Variants in ADAMTS6 observed in about 807,000 individuals in gnomAD.
ADAMTS6 encodes the protein ADAM metallopeptidase with thrombospondin type 1 motif 6.
In ADAMTS6, 23 loss-of-function variants were observed where a neutral mutation model predicts 144.3. The ratio of observed to expected loss-of-function variants is 0.16; its 90% CI spans 0.11 to 0.23. ADAMTS6 has a LOEUF of 0.23. Among genes scored for constraint, ADAMTS6 ranks in the 10% least tolerant of loss-of-function variants. The pLI, the probability that ADAMTS6 is intolerant of heterozygous loss-of-function variation, is 1.00. For missense variants in ADAMTS6, 999 were observed against 1,379.6 expected, an observed-to-expected ratio of 0.72 and a Z score of 4.37; for synonymous variants, 444 against 457.5, an observed-to-expected ratio of 0.97 and a Z score of 0.38.
intron 9 of ADAMTS6, among the ~76,000 whole-genome samples, chr5:65,313,365 A>G (rs1043415476): frequency 6.6e-6 from 1 of 152,102 alleles, no homozygotes; most frequent in South Asian, 2.1e-4. Flanking sequence ...TTTAGCTACT[A>G]TGTGAATATG....
At chr5:65,164,381 C>T (rs1360950549) in intron 24 of ADAMTS6, among the ~76,000 whole-genome samples, 16 of 152,094 alleles carry the variant, frequency 1.1e-4, no homozygotes, top group South Asian at 6.2e-4. Context: ...GAGGGTCCTA[C>T]GCCCACGGAG....
intron 24 of ADAMTS6, 61 bp downstream of exon 24, chr5:65,170,556 C>A (rs1008616910): frequency 1.3e-6 from 2 of 1,580,692 alleles, no homozygotes; most frequent in Non-Finnish European, 1.7e-6. Flanking sequence ...CTCTTCAGAC[C>A]CTGGGAACAG....
intron 3 of ADAMTS6, 42 bp from the exon 4 acceptor site, chr5:65,460,380 T>A (rs1447162376): frequency 2.6e-6 from 4 of 1,519,834 alleles, no homozygotes; most frequent in African/African-American, 1.4e-5. Flanking sequence ...AGAGAATCAT[T>A]TTAAATATTA....
At chr5:65,306,879 T>C (rs1743987106) in intron 9 of ADAMTS6, among the ~76,000 whole-genome samples, 1 of 152,230 alleles carries the variant, frequency 6.6e-6, no homozygotes, top group African/African-American at 2.4e-5. Context: ...GTATTTGATT[T>C]TATTAATTTG....
chr5:65,222,598 G>A (rs1386379788), intron 18 of ADAMTS6, among the ~76,000 whole-genome samples: 1 of 151,902 alleles, frequency 6.6e-6, no homozygotes, highest in Non-Finnish European at 1.5e-5. Flanking sequence ...ATAAATAATT[G>A]TTCTTCCCCA....
At chr5:65,155,322 T>G (rs1279063806) in intron 24 of ADAMTS6, among the ~76,000 whole-genome samples, 1 of 152,204 alleles carries the variant, frequency 6.6e-6, no homozygotes, top group Non-Finnish European at 1.5e-5. Context: ...TAGGTGATTT[T>G]GTCAATGTGC....
At chr5:65,245,546 T>TC (rs1489459343) in intron 14 of ADAMTS6, among the ~76,000 whole-genome samples, 1 of 152,146 alleles carries the variant, frequency 6.6e-6, no homozygotes, top group African/African-American at 2.4e-5. Flanking sequence ...TGCATTAAAT[T>TC]CCCTCTATTT....
At chr5:65,476,671 C>T (rs550539007) in intron 1 of ADAMTS6, among the ~76,000 whole-genome samples, 132 of 152,028 alleles carry the variant, frequency 8.7e-4, no homozygotes, top group Admixed American at 2.2e-3. Context: ...TGCAGTGGCA[C>T]GATCTCAGCT....
intron 9 of ADAMTS6, among the ~76,000 whole-genome samples, chr5:65,308,377 A>G (rs1207253166): frequency 6.6e-6 from 1 of 152,192 alleles, no homozygotes; most frequent in Non-Finnish European, 1.5e-5. Context: ...AAATGATGCA[A>G]TTATGTTTGT....
intron 15 of ADAMTS6, among the ~76,000 whole-genome samples, chr5:65,237,798 G>A (rs1758800414): frequency 6.6e-6 from 1 of 152,092 alleles, no homozygotes; most frequent in Admixed American, 6.5e-5. Context: ...ATATAAGCTT[G>A]GTTTGAGGTT....
chr5:65,389,111 C>G (rs1031635829), intron 7 of ADAMTS6, among the ~76,000 whole-genome samples: 11 of 152,098 alleles, frequency 7.2e-5, no homozygotes, highest in Non-Finnish European at 1.3e-4. Context: ...GGCTGAGGCA[C>G]CAGAATGGCG....
chr5:65,294,620 A>G lies in ADAMTS6; in HGVS notation c.1371-3150T>C, dbSNP rs116533832. ...ATGTTCAAGTAACTAAAGCCTATAG[A>G]TGATAATTATTAGTTACTAATTAAT... On this transcript the variant is annotated intron_variant, in intron 10 of 24. Coordinates refer to ENST00000381055, the MANE Select transcript of ADAMTS6 (RefSeq NM_197941.4). Among the ~76,000 whole-genome samples the G allele has an allele frequency of 1.9e-3, 288 of 152,344 alleles. 1 individual carries two copies. Among genetic ancestry groups the G allele is most frequent in the African/African-American group, 6.6e-3 (276 of 41,582 alleles).
At chr5:65,179,466 G>C (rs899228356) in intron 22 of ADAMTS6, among the ~76,000 whole-genome samples, 1 of 152,044 alleles carries the variant, frequency 6.6e-6, no homozygotes, top group Non-Finnish European at 1.5e-5. Flanking sequence ...AAGAAAAAGG[G>C]GTGCCCAAAC....
At chr5:65,359,821 A>G (rs1006914138) in intron 7 of ADAMTS6, among the ~76,000 whole-genome samples, 1 of 152,118 alleles carries the variant, frequency 6.6e-6, no homozygotes. Flanking sequence ...CTCACAGTAG[A>G]GTTGAATAGT....
chr5:65,370,097 TGTATGTTTTCATTTAG>T (rs1178972171), intron 7 of ADAMTS6, among the ~76,000 whole-genome samples: 2 of 152,182 alleles, frequency 1.3e-5, no homozygotes, highest in African/African-American at 4.8e-5. Flanking sequence ...AACCTCAAAA[TGTATGTTTTCATTTAG>T]AAAGAAATAA....
At chr5:65,187,336 G>C (rs1431390877) in intron 22 of ADAMTS6, among the ~76,000 whole-genome samples, 1 of 152,018 alleles carries the variant, frequency 6.6e-6, no homozygotes, top group Non-Finnish European at 1.5e-5. Flanking sequence ...ATTTTATTAG[G>C]TATTTTGTAC....
rs753714973 is a variant in ADAMTS6 at position 65,226,082 on chromosome 5, C to T, written c.2067+4G>A. The T allele has an allele frequency of 2.2e-5, 35 of 1,600,344 alleles. No individual in the cohort carries two copies. The highest frequency in any genetic ancestry group is 2.8e-5 in the Non-Finnish European group (33 of 1,172,250). ...CCAACAGAAAGGAGTAAAATCTGAG[C>T]AACCTTGCATTCTCCATTGATGCAG... On this transcript the variant is annotated splice_donor_region_variant and intron_variant, in intron 16 of 24. Transcript: ENST00000381055.
intron 7 of ADAMTS6, among the ~76,000 whole-genome samples, chr5:65,410,367 T>C (rs556688024): frequency 6.6e-6 from 1 of 152,338 alleles, no homozygotes; most frequent in Admixed American, 6.5e-5. Context: ...GGGTAAAAGT[T>C]ACAGCCAACA....
intron 7 of ADAMTS6, among the ~76,000 whole-genome samples, chr5:65,386,189 G>A (rs942266749): frequency 6.6e-6 from 1 of 151,974 alleles, no homozygotes; most frequent in Admixed American, 6.5e-5. Context: ...ATATTATTAT[G>A]TCATGTCTAA....
Sources: gnomAD v4.1 joint callset for allele counts (sites outside exome capture counted in the v4.1 genomes callset) on GRCh38, gnomAD v4.1.1 for gene constraint, MANE v1.5 for transcripts, NCBI Gene and HGNC (gene_info 2026-07-23, HGNC 2026-07-21) for gene names.